Variants in HDLBP observed in about 807,000 individuals in gnomAD.
HDLBP encodes the protein vigilin.
A neutral mutation model predicts 137.3 loss-of-function variants in HDLBP; 30 were observed. The ratio of observed to expected loss-of-function variants is 0.22; its 90% CI spans 0.16 to 0.30. HDLBP has a LOEUF of 0.30. Among genes scored for constraint, HDLBP ranks in the 10% least tolerant of loss-of-function variants. HDLBP has a pLI of 1.00. For synonymous variants in HDLBP, 606 were observed against 596.0 expected (o/e 1.02, Z -0.24); for missense variants, 1,119 against 1,667.3 (o/e 0.67, Z 5.73).
Position 241,272,102 on chromosome 2 carries a change from C to G in HDLBP, c.-102-3561G>C, listed in dbSNP as rs1038779940. ...CCGTAATGTATTTTTCATCCACGAC[C>G]CTGGGGCACGTCCAAGTTGCACTCC... On this transcript the variant is annotated intron_variant, in intron 1 of 27. Coordinates refer to ENST00000310931, the MANE Select transcript of HDLBP (RefSeq NM_005336.6). The surrounding 1 kb of genome is among the most constrained non-coding windows in gnomAD (Gnocchi z 5.6). 14 of 749,868 alleles carry G rather than the reference C, an allele frequency of 1.9e-5. No individual in the cohort carries two copies. The highest frequency in any genetic ancestry group is 2.3e-5 in the Non-Finnish European group (14 of 614,492). The allele number at this position is 749,868 out of a possible 1,614,324, so 46.5% of individuals were successfully genotyped here. A position where few individuals can be genotyped will look rare whatever the true frequency, so the allele number is the denominator to read the frequency against.
intron 1 of HDLBP, among the ~76,000 whole-genome samples, chr2:241,306,538 C>A (rs1440613888): frequency 6.6e-6 from 1 of 152,068 alleles, no homozygotes; most frequent in East Asian, 1.9e-4. Flanking sequence ...GGACTACAGG[C>A]GTGAGCCACT....
intron 11 of HDLBP, among the ~76,000 whole-genome samples, chr2:241,252,056 T>C (rs2072243054): frequency 6.6e-6 from 1 of 152,200 alleles, no homozygotes; most frequent in African/African-American, 2.4e-5. Flanking sequence ...ATCCTGTAAC[T>C]GTGCTACACC....
chr2:241,272,502 C>T lies in HDLBP; in HGVS notation c.-102-3961G>A. On this transcript the variant is annotated intron_variant, in intron 1 of 27. Coordinates refer to ENST00000310931, the MANE Select transcript of HDLBP (RefSeq NM_005336.6). The surrounding 1 kb of genome is among the most constrained non-coding windows in gnomAD (Gnocchi z 5.6). The stretch of plus-strand genomic sequence containing the variant: ...GCCACCGGACTTGAGAAAGTTTGTG[C>T]GCGCCCCTCCGCGCCACGGCCACGC... 2 of 984,316 alleles carry T rather than the reference C, an allele frequency of 2.0e-6. No homozygotes were observed. The highest frequency in any genetic ancestry group is 1.2e-6 in the Non-Finnish European group (1 of 829,552). 61.0% of individuals were successfully genotyped at this position (984,316 alleles called of 1,614,324 possible).
chr2:241,314,835 C>T (rs1455904681), intron 1 of HDLBP, among the ~76,000 whole-genome samples: 1 of 152,218 alleles, frequency 6.6e-6, no homozygotes, highest in Admixed American at 6.5e-5. Flanking sequence ...CCATTAGGAA[C>T]TCAGGAAGTG....
chr2:241,256,006 T>C (rs1203890383), intron 7 of HDLBP, among the ~76,000 whole-genome samples, 178 bp downstream of exon 7: 1 of 152,090 alleles, frequency 6.6e-6, no homozygotes, highest in East Asian at 1.9e-4. Flanking sequence ...AGGCAGATGC[T>C]CAACAGCAAG....
Position 241,230,894 on chromosome 2 carries a change from G to A in HDLBP, c.3339C>T (p.Ala1113=). Residue 1113 remains alanine (A), a synonymous_variant, in exon 25 of 28, where the codon GCC becomes GCT. Transcript: ENST00000310931. The surrounding 1 kb of genome is among the most constrained non-coding windows in gnomAD (Gnocchi z 5.0). ...CCACAATTCTCAGTATAGCATCCCT[G>A]GCAGCTTCTGTGTTCTTTTCGTACC... The part of the protein sequence containing the change: ...ITGYEKNTEA[A]RDAILRIVGE... 3.1e-6 allele frequency: 5 copies of A among 1,614,178 alleles called. No homozygotes were observed. The highest frequency in any genetic ancestry group is 2.5e-6 in the Non-Finnish European group (3 of 1,179,994).
At chr2:241,257,160 A>T (rs2072694576) in intron 5 of HDLBP, among the ~76,000 whole-genome samples, 1 of 152,250 alleles carries the variant, frequency 6.6e-6, no homozygotes, top group South Asian at 2.1e-4. Context: ...TAGCAAAGAG[A>T]AAAGACTGAA....
At chr2:241,248,464 G>T in intron 12 of HDLBP, 116 bp from the exon 13 acceptor site, 1 of 833,202 alleles carries the variant, frequency 1.2e-6, no homozygotes, top group Non-Finnish European at 2.0e-6. Context: ...CAGGTGAGGT[G>T]GTCTCCAGGT....
chr2:241,258,019 C>T lies in HDLBP; in HGVS notation c.451-1213G>A, dbSNP rs990578391. 2.0e-5 allele frequency among the ~76,000 whole-genome samples: 3 copies of T among 152,114 alleles called. No individual in the cohort carries two copies. In the East Asian group the frequency reaches 5.8e-4, roughly 29 times the overall value. Reference sequence around the variant, plus strand: ...CTGTAATCCCAGCACTCCGGGAAGCCGAGATGAGAGGATTGTTTGAGCCCA... The same window carrying T: ...CTGTAATCCCAGCACTCCGGGAAGCTGAGATGAGAGGATTGTTTGAGCCCA... On this transcript the variant is annotated intron_variant, in intron 5 of 27. Coordinates refer to ENST00000310931, the MANE Select transcript of HDLBP (RefSeq NM_005336.6).
chr2:241,238,609 C>G lies in HDLBP; in HGVS notation c.2749+40G>C. On this transcript the variant is annotated intron_variant, in intron 20 of 27. Coordinates refer to ENST00000310931, the MANE Select transcript of HDLBP (RefSeq NM_005336.6). This position sits in a 1 kb window ranked among gnomAD's most constrained non-coding sequence, Gnocchi z 4.9. ...AGCCCCGCCTCTCACATGGGAGGCGCCACTATTAACAAGCAGAGCAGGGCT... is the reference window on the plus strand; with the variant it reads ...AGCCCCGCCTCTCACATGGGAGGCGGCACTATTAACAAGCAGAGCAGGGCT... 1 of 1,441,670 alleles carries G rather than the reference C, an allele frequency of 6.9e-7. No individual in the cohort carries two copies. Among genetic ancestry groups the G allele is most frequent in the East Asian group, 2.5e-5 (1 of 40,292 alleles). 89.3% of individuals were successfully genotyped at this position (1,441,670 alleles called of 1,614,324 possible).
rs752170077 is a variant in HDLBP at position 241,230,831 on chromosome 2, C to T, written c.3402G>A (p.Leu1134=). Residue 1134 remains leucine (L), a synonymous_variant, in exon 25 of 28, where the codon CTG becomes CTA. Coordinates refer to ENST00000310931, the MANE Select transcript of HDLBP (RefSeq NM_005336.6). This position sits in a 1 kb window ranked among gnomAD's most constrained non-coding sequence, Gnocchi z 5.0. ...LEQMVSEDVP[L]DHRVHARIIG... is the part of the protein sequence containing the mutation. ...TGATGCGGGCGTGAACGCGGTGGTCCAGCGGGACGTCCTCAGAAACCATCT... is the reference window on the plus strand; with the variant it reads ...TGATGCGGGCGTGAACGCGGTGGTCTAGCGGGACGTCCTCAGAAACCATCT... 6.2e-7 allele frequency: 1 copy of T among 1,614,198 alleles called. No homozygotes were observed. Among genetic ancestry groups the T allele is most frequent in the Admixed American group, 1.7e-5 (1 of 60,028 alleles).
At position 241,272,729 on chromosome 2, in the gene HDLBP, C is replaced by T. The variant is rs1236102958; in HGVS notation, c.-102-4188G>A. Reference sequence around the variant, plus strand: ...CCGCCCGCCCCGTCCGCCCGCCCGCCCAGGCCTCCCAGCCCCGTGTTGCGC... The same window carrying T: ...CCGCCCGCCCCGTCCGCCCGCCCGCTCAGGCCTCCCAGCCCCGTGTTGCGC... On this transcript the variant is annotated intron_variant, in intron 1 of 27. Coordinates refer to ENST00000310931, the MANE Select transcript of HDLBP (RefSeq NM_005336.6). The surrounding 1 kb of genome is among the most constrained non-coding windows in gnomAD (Gnocchi z 5.6). 2.4e-5 allele frequency: 11 copies of T among 453,186 alleles called. No homozygotes were observed. The Admixed American group carries it at 4.6e-4, about 19-fold the overall frequency. 28.1% of individuals were successfully genotyped at this position (453,186 alleles called of 1,614,324 possible).
chr2:241,263,000 G>A (rs926967835), intron 4 of HDLBP, 74 bp from the exon 5 acceptor site: 1 of 1,149,762 alleles, frequency 8.7e-7, no homozygotes. Flanking sequence ...TAAAGAACAT[G>A]TGTTCATCAC....
At position 241,273,147 on chromosome 2, in the gene HDLBP, C is replaced by T. The variant is rs2074240025; in HGVS notation, c.-102-4606G>A. 3.0e-6 allele frequency: 3 copies of T among 985,340 alleles called. No individual in the cohort carries two copies. In the South Asian group the frequency reaches 1.4e-4, roughly 46 times the overall value. The allele number at this position is 985,340 out of a possible 1,614,324, so 61.0% of individuals were successfully genotyped here. ...TGGAAGCAGATGTCACCAGTACCGCCCACCTCCCCAAAATCAGAAGAAAAA... is the reference window on the plus strand; with the variant it reads ...TGGAAGCAGATGTCACCAGTACCGCTCACCTCCCCAAAATCAGAAGAAAAA... On this transcript the variant is annotated intron_variant, in intron 1 of 27. Coordinates refer to ENST00000310931, the MANE Select transcript of HDLBP (RefSeq NM_005336.6).
In HDLBP at chr2:241,264,443, T is replaced by G. The variant is rs909223505; in HGVS notation, c.234+5A>C. On this transcript the variant is annotated splice_donor_5th_base_variant and intron_variant, in intron 4 of 27. Coordinates refer to ENST00000310931, the MANE Select transcript of HDLBP (RefSeq NM_005336.6). ...AATTTTTAAAAGAAAGAATGGTGTT[T>G]CTACCTGAGTGATGACAGAAGCCTT... 7.5e-6 allele frequency: 12 copies of G among 1,598,550 alleles called. No individual in the cohort carries two copies. The highest frequency in any genetic ancestry group is 1.0e-5 in the Non-Finnish European group (12 of 1,170,232).
chr2:241,252,877 C>T (rs995985970), intron 11 of HDLBP, 80 bp downstream of exon 11: 13 of 912,968 alleles, frequency 1.4e-5, no homozygotes, highest in South Asian at 8.6e-5. Flanking sequence ...TCTGCACGGA[C>T]GTCACAGTTC....
At chr2:241,261,684 G>T (rs1464052045) in intron 5 of HDLBP, among the ~76,000 whole-genome samples, 4 of 152,212 alleles carry the variant, frequency 2.6e-5, no homozygotes, top group Non-Finnish European at 5.9e-5. Flanking sequence ...ACAATTATAA[G>T]CAACACTTTC....
At position 241,236,727 on chromosome 2, in the gene HDLBP, G is replaced by C. The variant is rs1208064006; in HGVS notation, c.2792C>G (p.Ala931Gly). Residue 931 changes from alanine to glycine, a missense_variant, in exon 21 of 28, where the codon GCT becomes GGT. By Grantham distance (60) the Ala-to-Gly change is moderately conservative. Around this residue, in one of 4 missense-constraint regions of HDLBP, gnomAD observed 618 missense variants for 816.7 expected, o/e 0.76. Transcript: ENST00000310931. ...EPVVQENGDE[A>G]GEGREAKDCD... is the part of the protein sequence containing the mutation. ...ATCTTTAGCCTCTCTCCCCTCCCCAGCTTCGTCCCCATTCTCCTGGACAAC... is the reference window on the plus strand; with the variant it reads ...ATCTTTAGCCTCTCTCCCCTCCCCACCTTCGTCCCCATTCTCCTGGACAAC... 2 of 1,614,014 alleles carry C rather than the reference G, an allele frequency of 1.2e-6. No homozygotes were observed. The highest frequency in any genetic ancestry group is 2.2e-5 in the East Asian group (1 of 44,896).
chr2:241,266,356 G>A (rs558185888), intron 3 of HDLBP, among the ~76,000 whole-genome samples: 149 of 152,264 alleles, frequency 9.8e-4, no homozygotes, highest in African/African-American at 3.4e-3. Context: ...GTGGCTTGTA[G>A]TCTATTCTAC....
Sources: allele counts gnomAD v4.1 joint callset (sites outside exome capture counted in the v4.1 genomes callset), GRCh38; gene constraint gnomAD v4.1.1; regional missense constraint gnomAD v4.1.1; non-coding constraint Gnocchi (gnomAD v3.1); transcripts MANE v1.5; gene names NCBI Gene and HGNC (gene_info 2026-07-23, HGNC 2026-07-21).